The following KLHL5 variants were observed in gnomAD, a reference collection of about 807,000 sequenced individuals.
KLHL5 encodes the protein kelch like family member 5.
KLHL5 carries 48 observed loss-of-function variants against 77.7 expected under a neutral mutation model. The ratio of observed to expected loss-of-function variants is 0.62; its 90% CI spans 0.49 to 0.79. KLHL5 has a LOEUF of 0.79. KLHL5 is among the 30% of genes least tolerant of loss of function. The probability of loss-of-function intolerance (pLI) is 0.00; values close to 1 mark genes in which losing one functional copy is unlikely to be tolerated. For missense variants in KLHL5, 723 were observed against 859.7 expected, an observed-to-expected ratio of 0.84 and a Z score of 1.99; for synonymous variants, 260 against 297.0, an observed-to-expected ratio of 0.88 and a Z score of 1.28.
At chr4:39,048,338 T>C (rs1716355957) in intron 1 of KLHL5, among the ~76,000 whole-genome samples, 1 of 152,204 alleles carries the variant, frequency 6.6e-6, no homozygotes, top group Non-Finnish European at 1.5e-5. Context: ...GATAGTGCTA[T>C]ACAAAATGAT....
rs947702723 is a variant in KLHL5, at chr4:39,123,655, C to A, written c.*2589C>A. ...ATAAGAAAAAGCATTTGACAAAAAT[C>A]CAACACCCTTTCATGGTAAAAACAC... On this transcript the variant is annotated 3_prime_UTR_variant, in exon 11 of 11. Coordinates refer to ENST00000504108, the MANE Select transcript of KLHL5 (RefSeq NM_015990.5). Among the ~76,000 whole-genome samples the A allele has an allele frequency of 5.3e-5, 8 of 152,136 alleles. No individual in the cohort carries two copies. The highest frequency in any genetic ancestry group is 1.9e-4 in the African/African-American group (8 of 41,432).
chr4:39,058,093 T>G (rs1056328263), upstream of KLHL5, among the ~76,000 whole-genome samples: 2 of 152,318 alleles, frequency 1.3e-5, no homozygotes, highest in East Asian at 3.9e-4. Flanking sequence ...AATTGACACA[T>G]ATTATCTATT....
chr4:39,117,565 TACAC>T (rs1425177661), intron 10 of KLHL5, among the ~76,000 whole-genome samples: 1 of 152,142 alleles, frequency 6.6e-6, no homozygotes, highest in Non-Finnish European at 1.5e-5. Context: ...TTTCTTTATA[TACAC>T]ACACTTACTG....
chr4:39,141,361 TGCAGTGGC>T, the KLHL5 span, among the ~76,000 whole-genome samples: 1 of 138,770 alleles, frequency 7.2e-6, no homozygotes, highest in African/African-American at 2.7e-5. Flanking sequence ...CAGGCTGGAG[TGCAGTGGC>T]GCAATCTCGG....
chr4:39,130,253 C>A (rs1237309267), downstream of KLHL5, among the ~76,000 whole-genome samples: 2 of 152,122 alleles, frequency 1.3e-5, no homozygotes, highest in Non-Finnish European at 2.9e-5. Flanking sequence ...CAAAGTATCC[C>A]TTATGGGAAA....
At chr4:39,078,040 C>T (rs1031294012) in intron 2 of KLHL5, among the ~76,000 whole-genome samples, 7 of 152,142 alleles carry the variant, frequency 4.6e-5, no homozygotes, top group African/African-American at 1.7e-4. Context: ...AACCAAACAT[C>T]ATATGTTCTC....
intron 5 of KLHL5, among the ~76,000 whole-genome samples, chr4:39,090,463 T>A (rs1159750631): frequency 6.6e-6 from 1 of 151,984 alleles, no homozygotes; most frequent in Non-Finnish European, 1.5e-5. Flanking sequence ...TTTTTTTTTT[T>A]TTTAGACTGA....
chr4:39,065,034 G>A (rs2109301863), intron 1 of KLHL5, among the ~76,000 whole-genome samples: 1 of 151,970 alleles, frequency 6.6e-6, no homozygotes, highest in South Asian at 2.1e-4. Context: ...AGATATGAGG[G>A]GAAATATGTC....
At chr4:39,116,585 A>G (rs1722857236) in intron 10 of KLHL5, among the ~76,000 whole-genome samples, 1 of 152,180 alleles carries the variant, frequency 6.6e-6, no homozygotes, top group African/African-American at 2.4e-5. Flanking sequence ...ATTCAAAAAG[A>G]TTGGAAAGAA....
chr4:39,045,118 G>A (rs1716058258), intron 1 of KLHL5: 12 of 984,508 alleles, frequency 1.2e-5, no homozygotes, highest in Non-Finnish European at 1.4e-5. Context: ...TTCCTTCTCG[G>A]CATCGGGGAG....
downstream of KLHL5, among the ~76,000 whole-genome samples, chr4:39,128,558 A>G (rs572514967): frequency 6.6e-6 from 1 of 152,234 alleles, no homozygotes; most frequent in Admixed American, 6.5e-5. Flanking sequence ...ATTGTTTCAA[A>G]TTAAAAATGC....
intron 1 of KLHL5, among the ~76,000 whole-genome samples, chr4:39,048,638 C>CTTTTT (rs34713116): frequency 0.11 from 8,540 of 78,822 alleles, 219 homozygotes; most frequent in East Asian, 0.12. Flanking sequence ...TTTACATTGG[C>CTTTTT]TTTTTTTTTT....
intron 10 of KLHL5, 145 bp downstream of exon 10, chr4:39,115,475 G>A (rs1278028771): frequency 6.6e-7 from 1 of 1,514,306 alleles, no homozygotes; most frequent in Non-Finnish European, 8.8e-7. Context: ...ATGAGAAAAA[G>A]AGGCAATGTT....
At chr4:39,139,298 AAG>A in the KLHL5 span, among the ~76,000 whole-genome samples, 2 of 151,958 alleles carry the variant, frequency 1.3e-5, no homozygotes, top group African/African-American at 4.8e-5. Context: ...AAAAAAAAAA[AAG>A]AAAAGCCCAT....
At chr4:39,069,606 T>C (rs941012900) in intron 1 of KLHL5, among the ~76,000 whole-genome samples, 1 of 146,856 alleles carries the variant, frequency 6.8e-6, no homozygotes, top group African/African-American at 2.5e-5. Context: ...TAAGTAAAAA[T>C]GAAAAAAGTA....
At chr4:39,062,153 T>A, upstream of KLHL5, 1 of 724,670 alleles carries the variant, frequency 1.4e-6, no homozygotes, top group Non-Finnish European at 1.7e-6. Context: ...TATTTTTAAG[T>A]ACAAAGGGAA....
intron 5 of KLHL5, among the ~76,000 whole-genome samples, chr4:39,094,787 C>G (rs1231933268): frequency 6.6e-6 from 1 of 152,044 alleles, no homozygotes; most frequent in Non-Finnish European, 1.5e-5. Context: ...TGGTACAGAA[C>G]TGGCTACTGA....
At chr4:39,077,087 C>A (rs1313234028) in intron 2 of KLHL5, among the ~76,000 whole-genome samples, 1 of 147,130 alleles carries the variant, frequency 6.8e-6, no homozygotes, top group Non-Finnish European at 1.5e-5. Context: ...AAAAAAAAAA[C>A]AGTCCCATCA....
At chr4:39,131,377 G>T (rs1186377097), downstream of KLHL5, among the ~76,000 whole-genome samples, 1 of 152,144 alleles carries the variant, frequency 6.6e-6, no homozygotes, top group Non-Finnish European at 1.5e-5. Flanking sequence ...TTTAATTAAA[G>T]TTACTTAAAG....
Sources: gnomAD v4.1 joint callset for allele counts (sites outside exome capture counted in the v4.1 genomes callset) on GRCh38, gnomAD v4.1.1 for gene constraint, MANE v1.5 for transcripts, NCBI Gene and HGNC (gene_info 2026-07-23, HGNC 2026-07-21) for gene names.